FAM193A: variants seen among roughly 807,000 people sequenced by gnomAD.
The protein encoded by FAM193A is protein FAM193A.
A neutral mutation model predicts 126.5 loss-of-function variants in FAM193A; 22 were observed. The observed-to-expected ratio is 0.17, with a 90% CI of 0.12 to 0.25. FAM193A has a LOEUF of 0.25. Among genes scored for constraint, FAM193A ranks in the 10% least tolerant of loss-of-function variants. FAM193A has a pLI of 1.00. For synonymous variants in FAM193A, 761 were observed against 646.8 expected (o/e 1.18, Z -2.68); for missense variants, 1,675 against 1,672.8 (o/e 1.00, Z -0.02).
At chr4:2,553,651 T>A (rs545114599) in intron 1 of FAM193A, among the ~76,000 whole-genome samples, 5 of 152,276 alleles carry the variant, frequency 3.3e-5, no homozygotes, top group South Asian at 4.1e-4. Flanking sequence ...AGTGCTGGGA[T>A]TACAGGCGTG....
At chr4:2,679,773 T>G (rs559565070) in intron 13 of FAM193A, among the ~76,000 whole-genome samples, 1 of 152,266 alleles carries the variant, frequency 6.6e-6, no homozygotes, top group African/African-American at 2.4e-5. Context: ...TTTTGGAAAC[T>G]TTGAGAAAGA....
At chr4:2,697,057 C>T (rs1717121928) in intron 18 of FAM193A, among the ~76,000 whole-genome samples, 1 of 152,136 alleles carries the variant, frequency 6.6e-6, no homozygotes, top group Admixed American at 6.5e-5. Flanking sequence ...CCCCATGCTG[C>T]TCTTGTCCCA....
intron 20 of FAM193A, among the ~76,000 whole-genome samples, chr4:2,730,431 C>T (rs1206521671): frequency 6.6e-6 from 1 of 152,166 alleles, no homozygotes; most frequent in East Asian, 1.9e-4. Context: ...TGGCTCACGA[C>T]TGTAATCCCA....
At chr4:2,608,734 G>A (rs1741688740) in intron 2 of FAM193A, among the ~76,000 whole-genome samples, 1 of 152,130 alleles carries the variant, frequency 6.6e-6, no homozygotes, top group African/African-American at 2.4e-5. Flanking sequence ...AGGTGGGATG[G>A]CTGAGACATT....
chr4:2,708,904 C>A (rs185158397), intron 19 of FAM193A, among the ~76,000 whole-genome samples: 1 of 152,072 alleles, frequency 6.6e-6, no homozygotes, highest in Non-Finnish European at 1.5e-5. Context: ...AATTCTTACG[C>A]CTCTAATTGT....
intron 10 of FAM193A, among the ~76,000 whole-genome samples, chr4:2,661,162 G>A (rs1204437902): frequency 6.6e-6 from 1 of 152,124 alleles, no homozygotes; most frequent in Non-Finnish European, 1.5e-5. Context: ...TCCTTGGGCC[G>A]GAACTGCCCA....
intron 2 of FAM193A, among the ~76,000 whole-genome samples, chr4:2,601,136 A>C (rs1237734605): frequency 6.6e-6 from 1 of 151,528 alleles, no homozygotes; most frequent in East Asian, 1.9e-4. Flanking sequence ...AACAAGAAAA[A>C]TTGGCAGAGT....
intron 2 of FAM193A, among the ~76,000 whole-genome samples, chr4:2,609,178 C>A (rs1741716071): frequency 6.6e-6 from 1 of 151,990 alleles, no homozygotes; most frequent in Non-Finnish European, 1.5e-5. Flanking sequence ...AGATCTGAGC[C>A]ACCGTGCCTG....
intron 1 of FAM193A, among the ~76,000 whole-genome samples, chr4:2,576,870 A>G (rs10002841): frequency 0.015 from 2,220 of 152,310 alleles, 54 homozygotes; most frequent in African/African-American, 0.051. Flanking sequence ...CTTTGGGCTT[A>G]AGGGGCTCAT....
chr4:2,613,684 C>T (rs1254719957), intron 2 of FAM193A, among the ~76,000 whole-genome samples: 1 of 151,710 alleles, frequency 6.6e-6, no homozygotes, highest in Non-Finnish European at 1.5e-5. Flanking sequence ...GAACTCCCGA[C>T]CTCGGGTGAT....
At chr4:2,543,280 G>C (rs573057856) in intron 1 of FAM193A, among the ~76,000 whole-genome samples, 57 of 151,926 alleles carry the variant, frequency 3.8e-4, no homozygotes, top group Admixed American at 2.8e-3. Context: ...GTAGAGACAG[G>C]GTTTCATCAT....
chr4:2,585,570 T>C (rs181249048), intron 1 of FAM193A, among the ~76,000 whole-genome samples: 55 of 152,364 alleles, frequency 3.6e-4, no homozygotes, highest in African/African-American at 1.2e-3. Context: ...TTTTCCTATT[T>C]TTCTCATTTT....
intron 13 of FAM193A, among the ~76,000 whole-genome samples, chr4:2,681,871 T>C (rs1398411402): frequency 6.6e-6 from 1 of 152,188 alleles, no homozygotes; most frequent in Admixed American, 6.5e-5. Flanking sequence ...CAGTATGTTA[T>C]GTTTTTGTTT....
chr4:2,605,116 T>A (rs1261237125), intron 2 of FAM193A, among the ~76,000 whole-genome samples: 1 of 152,058 alleles, frequency 6.6e-6, no homozygotes. Context: ...GGCGAGAGTC[T>A]GCATCTTAAT....
At chr4:2,720,019 T>C in intron 20 of FAM193A, 2 of 220,208 alleles carry the variant, frequency 9.1e-6, no homozygotes, top group Non-Finnish European at 2.0e-5. Flanking sequence ...GGTCTCGAAC[T>C]CCTGGCCTCA....
intron 2 of FAM193A, chr4:2,608,135 C>T (rs1324707367): frequency 2.5e-6 from 4 of 1,594,832 alleles, no homozygotes; most frequent in Non-Finnish European, 1.7e-6. Flanking sequence ...GTAGATTGAT[C>T]TTAACCTGAA....
At chr4:2,617,419 C>T (rs1324742021) in intron 2 of FAM193A, among the ~76,000 whole-genome samples, 1 of 148,998 alleles carries the variant, frequency 6.7e-6, no homozygotes, top group Non-Finnish European at 1.5e-5. Context: ...GTGCCCACCA[C>T]CGCACCTGGC....
chr4:2,727,849 C>G (rs1224637707), intron 20 of FAM193A, among the ~76,000 whole-genome samples: 1 of 151,930 alleles, frequency 6.6e-6, no homozygotes, highest in Non-Finnish European at 1.5e-5. Context: ...AAAATGAAGT[C>G]TCAGTTCAGG....
chr4:2,694,899 C>T, intron 16 of FAM193A, 47 bp from the exon 17 acceptor site: 2 of 1,504,450 alleles, frequency 1.3e-6, no homozygotes, highest in Non-Finnish European at 1.8e-6. Context: ...TGAGTCATTG[C>T]CTCCCGGGCC....
Sources: allele counts gnomAD v4.1 joint callset (sites outside exome capture counted in the v4.1 genomes callset), GRCh38; gene constraint gnomAD v4.1.1; transcripts MANE v1.5; gene names NCBI Gene and HGNC (gene_info 2026-07-23, HGNC 2026-07-21).